PCDH9: variants seen among roughly 807,000 people sequenced by gnomAD.
The protein encoded by PCDH9 is protocadherin-9.
PCDH9 carries 24 observed loss-of-function variants against 70.6 expected under a neutral mutation model. The ratio of observed to expected loss-of-function variants is 0.34; its 90% CI spans 0.25 to 0.48. The LOEUF is 0.48. PCDH9 is among the 20% of genes least tolerant of loss of function. PCDH9 has a pLI of 0.99. For missense variants in PCDH9, 1,281 were observed against 1,503.6 expected, an observed-to-expected ratio of 0.85 and a Z score of 2.45; for synonymous variants, 562 against 558.5, an observed-to-expected ratio of 1.01 and a Z score of -0.09.
chr13:66,352,952 C>A (rs1956316053), intron 4 of PCDH9, among the ~76,000 whole-genome samples: 1 of 152,158 alleles, frequency 6.6e-6, no homozygotes, highest in Non-Finnish European at 1.5e-5. Context: ...TAAATGATAG[C>A]CATGACCTAA....
intron 4 of PCDH9, among the ~76,000 whole-genome samples, chr13:66,590,430 C>T (rs894069744): frequency 6.6e-6 from 1 of 151,760 alleles, no homozygotes; most frequent in Non-Finnish European, 1.5e-5. Context: ...TCAAAGTTAT[C>T]TAAGTTCATG....
chr13:67,185,136 C>A (rs1212057443), intron 2 of PCDH9, among the ~76,000 whole-genome samples: 1 of 151,978 alleles, frequency 6.6e-6, no homozygotes, highest in Non-Finnish European at 1.5e-5. Context: ...TGTTTGTAGT[C>A]CATTAGAAAA....
At chr13:66,649,596 T>C (rs2077821410) in intron 3 of PCDH9, among the ~76,000 whole-genome samples, 1 of 151,766 alleles carries the variant, frequency 6.6e-6, no homozygotes, top group African/African-American at 2.4e-5. Flanking sequence ...AGGATACTAA[T>C]GAGCAATACA....
intron 4 of PCDH9, among the ~76,000 whole-genome samples, chr13:66,447,663 C>T (rs1313913760): frequency 3.3e-5 from 5 of 152,000 alleles, no homozygotes; most frequent in African/African-American, 1.2e-4. Flanking sequence ...ATAATAAAAA[C>T]TGAAAGCATG....
At chr13:66,331,822 T>G (rs1955947716) in intron 4 of PCDH9, among the ~76,000 whole-genome samples, 1 of 152,162 alleles carries the variant, frequency 6.6e-6, no homozygotes, top group South Asian at 2.1e-4. Context: ...AAGAAAGCTA[T>G]GAGACTTTAC....
chr13:66,397,952 T>G (rs1270045663), intron 4 of PCDH9, among the ~76,000 whole-genome samples: 1 of 151,970 alleles, frequency 6.6e-6, no homozygotes, highest in Non-Finnish European at 1.5e-5. Flanking sequence ...TTATATATAT[T>G]GAAATTATAA....
chr13:66,969,356 T>C (rs2083480726), intron 2 of PCDH9, among the ~76,000 whole-genome samples: 2 of 152,010 alleles, frequency 1.3e-5, no homozygotes, highest in African/African-American at 4.8e-5. Flanking sequence ...CATTTCAATG[T>C]CTTATTGCCC....
intron 3 of PCDH9, among the ~76,000 whole-genome samples, chr13:66,876,103 G>A (rs1470686340): frequency 6.6e-6 from 1 of 152,158 alleles, no homozygotes; most frequent in African/African-American, 2.4e-5. Flanking sequence ...ATTGATAAGT[G>A]TCTAGTGGGA....
intron 3 of PCDH9, among the ~76,000 whole-genome samples, chr13:66,747,075 G>A (rs1459832390): frequency 2.0e-5 from 3 of 152,230 alleles, no homozygotes; most frequent in African/African-American, 7.2e-5. Context: ...GACCTGGCTG[G>A]GCGTGGTGGC....
chr13:66,979,821 T>C lies in PCDH9; in HGVS notation c.3037-76216A>G, dbSNP rs148384462. ...AAGATTTGACTATGTTGTACTTGAA[T>C]CTCTCTCCTTCTTTTTTGTCTCTTG... On this transcript the variant is annotated intron_variant, in intron 2 of 4. Coordinates refer to ENST00000377865, the MANE Select transcript of PCDH9 (RefSeq NM_203487.3). 7.7e-3 allele frequency among the ~76,000 whole-genome samples: 1,164 copies of C among 152,122 alleles called. 13 individuals are homozygous for C. The highest frequency in any genetic ancestry group is 0.027 in the African/African-American group (1,110 of 41,500).
chr13:66,950,997 T>C (rs1381177796), intron 2 of PCDH9, among the ~76,000 whole-genome samples: 9 of 152,336 alleles, frequency 5.9e-5, no homozygotes. Flanking sequence ...ATTTAATTTA[T>C]TTTTCTCAAT....
intron 2 of PCDH9, among the ~76,000 whole-genome samples, chr13:66,977,231 T>G (rs943166421): frequency 6.6e-6 from 1 of 152,120 alleles, no homozygotes; most frequent in Non-Finnish European, 1.5e-5. Context: ...TTGGGGGATC[T>G]CGTCTAATTT....
At chr13:66,517,813 T>C (rs1959809413) in intron 4 of PCDH9, among the ~76,000 whole-genome samples, 1 of 152,170 alleles carries the variant, frequency 6.6e-6, no homozygotes, top group Non-Finnish European at 1.5e-5. Context: ...TTTACATCTT[T>C]AAAATTTTGT....
chr13:66,572,021 T>C (rs2076739741), intron 4 of PCDH9, among the ~76,000 whole-genome samples: 1 of 152,130 alleles, frequency 6.6e-6, no homozygotes, highest in African/African-American at 2.4e-5. Flanking sequence ...AAGAAAGGAA[T>C]ATAATTTCGA....
intron 4 of PCDH9, among the ~76,000 whole-genome samples, chr13:66,352,778 A>T (rs558049367): frequency 6.6e-6 from 1 of 152,214 alleles, no homozygotes; most frequent in Non-Finnish European, 1.5e-5. Flanking sequence ...CTTTTTCTGT[A>T]TAATGTGTTT....
At chr13:66,732,522 C>A (rs2079091799) in intron 3 of PCDH9, among the ~76,000 whole-genome samples, 2 of 151,908 alleles carry the variant, frequency 1.3e-5, no homozygotes, top group Non-Finnish European at 2.9e-5. Flanking sequence ...AATATTACCA[C>A]CCCAAAGAGA....
At position 66,904,576 on chromosome 13, in the gene PCDH9, G is replaced by A. The variant is rs59454243; in HGVS notation, c.3037-971C>T. On this transcript the variant is annotated intron_variant, in intron 2 of 4. Coordinates refer to ENST00000377865, the MANE Select transcript of PCDH9 (RefSeq NM_203487.3). ...TAAATAAAACTATAATATATGCATC[G>A]ATTTCATTACATTACAAGCAAAGAG... is the stretch of plus-strand genomic sequence containing the variant. 4.4e-3 allele frequency among the ~76,000 whole-genome samples: 670 copies of A among 151,728 alleles called. 9 individuals carry two copies. Among genetic ancestry groups the A allele is most frequent in the African/African-American group, 0.015 (640 of 41,442 alleles).
intron 4 of PCDH9, among the ~76,000 whole-genome samples, chr13:66,549,221 T>C (rs532043221): frequency 6.6e-6 from 1 of 152,130 alleles, no homozygotes; most frequent in Non-Finnish European, 1.5e-5. Flanking sequence ...AAACCGTATG[T>C]ATATGTTAGC....
At chr13:66,393,559 A>C (rs1404474023) in intron 4 of PCDH9, among the ~76,000 whole-genome samples, 17 of 152,218 alleles carry the variant, frequency 1.1e-4, no homozygotes, top group Admixed American at 1.1e-3. Flanking sequence ...CAGGAATCCA[A>C]AGTAGCTTTT....
Sources: allele counts gnomAD v4.1 joint callset (sites outside exome capture counted in the v4.1 genomes callset), GRCh38; gene constraint gnomAD v4.1.1; transcripts MANE v1.5; gene names NCBI Gene and HGNC (gene_info 2026-07-23, HGNC 2026-07-21).